The following NOS2 variants were observed in gnomAD, a reference collection of about 807,000 sequenced individuals.
NOS2 encodes nitric oxide synthase 2, also known as nitric oxide synthase, inducible.
In NOS2, 96 loss-of-function variants were observed where a neutral mutation model predicts 136.0. That is an observed-to-expected ratio of 0.71 (90% CI 0.60 to 0.84). NOS2 has a LOEUF of 0.84. NOS2 is among the 40% of genes least tolerant of loss of function. The probability of loss-of-function intolerance (pLI) is 0.00; values close to 1 mark genes in which losing one functional copy is unlikely to be tolerated. For synonymous variants in NOS2, 539 were observed against 587.5 expected (o/e 0.92, Z 1.20); for missense variants, 1,237 against 1,496.9 (o/e 0.83, Z 2.87).
chr17:27,784,779 T>C (rs558206959), intron 5 of NOS2, among the ~76,000 whole-genome samples: 75 of 152,340 alleles, frequency 4.9e-4, no homozygotes, highest in African/African-American at 1.8e-3. Flanking sequence ...AAAAGGCCAC[T>C]GAACCTGCTC....
chr17:27,765,787 G>A, intron 19 of NOS2, 71 bp from the exon 20 acceptor site: 1 of 1,440,696 alleles, frequency 6.9e-7, no homozygotes, highest in Non-Finnish European at 9.4e-7. Context: ...GGGCAGGCGA[G>A]ATTCCCCAGG....
At chr17:27,766,654 A>C (rs1457875219) in intron 18 of NOS2, 66 bp from the exon 19 acceptor site, 1 of 1,286,748 alleles carries the variant, frequency 7.8e-7, no homozygotes, top group Admixed American at 1.7e-5. Flanking sequence ...GGAAGCCCCC[A>C]GATGTCTGAG....
intron 2 of NOS2, among the ~76,000 whole-genome samples, chr17:27,797,753 C>T (rs1025331458): frequency 6.6e-6 from 1 of 152,168 alleles, no homozygotes; most frequent in Non-Finnish European, 1.5e-5. Context: ...CAAGCCTGTC[C>T]CTTGACTTGT....
chr17:27,796,775 A>G (rs1909367507), intron 2 of NOS2, among the ~76,000 whole-genome samples: 1 of 152,156 alleles, frequency 6.6e-6, no homozygotes, highest in African/African-American at 2.4e-5. Context: ...AGCGGCTGCA[A>G]TGATGAGATG....
chr17:27,781,201 GT>G, intron 7 of NOS2, 24 bp from the exon 8 acceptor site: 1 of 1,592,412 alleles, frequency 6.3e-7, no homozygotes. Flanking sequence ...GAACAGTACT[GT>G]TTACCACCTA....
intron 11 of NOS2, among the ~76,000 whole-genome samples, chr17:27,777,367 T>TC (rs1228292531): frequency 1.3e-5 from 2 of 152,186 alleles, no homozygotes; most frequent in Non-Finnish European, 2.9e-5. Context: ...ATCTCAGGCC[T>TC]CCTTCCCACA....
intron 15 of NOS2, among the ~76,000 whole-genome samples, chr17:27,770,340 G>A (rs997837827): frequency 1.3e-5 from 2 of 152,102 alleles, no homozygotes; most frequent in African/African-American, 4.8e-5. Context: ...TACAAAATTG[G>A]CCAGGCATGG....
At chr17:27,773,908 T>C (rs1908578353) in intron 12 of NOS2, among the ~76,000 whole-genome samples, 1 of 152,084 alleles carries the variant, frequency 6.6e-6, no homozygotes, top group South Asian at 2.1e-4. Flanking sequence ...CCCAAGACCC[T>C]ATTGCTAGGA....
At position 27,781,099 on chromosome 17, in the gene NOS2, A is replaced by G. The variant is rs200184224; in HGVS notation, c.801T>C (p.Tyr267=). 3.3e-5 allele frequency: 53 copies of G among 1,613,708 alleles called. No individual in the cohort carries two copies. The highest frequency in any genetic ancestry group is 1.6e-4 in the Middle Eastern group (1 of 6,062). ...TGCCATCTGGCATCTGGTAGCCAGC[A>G]TAGCGGATGAGCTGAGCATTCCACA... ...FRVWNAQLIR[Y]AGYQMPDGSI... Residue 267 remains tyrosine, a synonymous_variant, in exon 8 of 27, where the codon TAT becomes TAC. Coordinates refer to ENST00000313735, the MANE Select transcript of NOS2 (RefSeq NM_000625.4).
chr17:27,770,145 T>C (rs542698054), intron 15 of NOS2, among the ~76,000 whole-genome samples: 4 of 152,362 alleles, frequency 2.6e-5, no homozygotes, highest in South Asian at 4.1e-4. Context: ...TTGGTGCTAA[T>C]AGACCTTTAA....
At chr17:27,766,909 G>A (rs1354494475) in intron 18 of NOS2, among the ~76,000 whole-genome samples, 4 of 147,882 alleles carry the variant, frequency 2.7e-5, no homozygotes, top group East Asian at 2.0e-4. Context: ...CCAGCTACAC[G>A]AGAATCACTT....
intron 14 of NOS2, among the ~76,000 whole-genome samples, chr17:27,771,971 A>G (rs1449464617): frequency 6.6e-6 from 1 of 152,162 alleles, no homozygotes; most frequent in East Asian, 1.9e-4. Flanking sequence ...AAGCTTACTC[A>G]TCTCTTCCCC....
At chr17:27,780,723 G>C in intron 9 of NOS2, 44 bp downstream of exon 9, 1 of 1,613,482 alleles carries the variant, frequency 6.2e-7, no homozygotes, top group Non-Finnish European at 8.5e-7. Flanking sequence ...GAGAAGGGCT[G>C]TGTGTTGACT....
rs1326139358 is a variant in NOS2 at position 27,800,479 on chromosome 17, G to A, written c.-214C>T. Reference sequence around the variant, plus strand: ...CGAGAGATTTTAAAGCAGGAATGAGGCTGAGTTCTCTGCGGCCGGAGCCTC... The same window carrying A: ...CGAGAGATTTTAAAGCAGGAATGAGACTGAGTTCTCTGCGGCCGGAGCCTC... On this transcript the variant is annotated 5_prime_UTR_variant, in exon 1 of 27. Transcript: ENST00000313735. 6.6e-6 allele frequency: 1 copy of A among 152,232 alleles called. No individual in the cohort carries two copies. Among genetic ancestry groups the A allele is most frequent in the Non-Finnish European group, 1.5e-5 (1 of 68,090 alleles). 9.4% of individuals were successfully genotyped at this position (152,232 alleles called of 1,614,324 possible). A position where few individuals can be genotyped will look rare whatever the true frequency, so the allele number is the denominator to read the frequency against.
Position 27,771,017 on chromosome 17 carries a change from C to T in NOS2, c.1705G>A (p.Val569Ile). Reference sequence around the variant, plus strand: ...AGCCTGTACTTATCCATGCAGACAACCTGGATGGCACCCAAGTGGACATCA... The same window carrying T: ...AGCCTGTACTTATCCATGCAGACAATCTGGATGGCACCCAAGTGGACATCA... ...ALFSCAFNPKVVCMDKYRLSC... is the reference protein window; with the variant it reads ...ALFSCAFNPKIVCMDKYRLSC... Residue 569 changes from valine to isoleucine, a missense_variant and splice_region_variant, in exon 15 of 27, where the codon GTT becomes ATT. Around this residue, in one of 3 missense-constraint regions of NOS2, gnomAD observed 782 missense variants for 909.9 expected, o/e 0.86. Transcript: ENST00000313735. The T allele has an allele frequency of 6.2e-7, 1 of 1,611,342 alleles. No homozygotes were observed.
In NOS2 at chr17:27,778,805, G is replaced by C. The variant is rs200855001; in HGVS notation, c.1180-14C>G. The C allele has an allele frequency of 7.9e-5, 128 of 1,613,774 alleles. No individual in the cohort carries two copies. The highest frequency in any genetic ancestry group is 9.7e-5 in the Non-Finnish European group (115 of 1,179,746). On this transcript the variant is annotated splice_polypyrimidine_tract_variant and intron_variant, in intron 10 of 26. Coordinates refer to ENST00000313735, the MANE Select transcript of NOS2 (RefSeq NM_000625.4). Reference sequence around the variant, plus strand: ...CCTGCCCACTTCCTACAGAGGCAGAGTGATAGCGGCGAGTCGGTCCCTGAA... The same window carrying C: ...CCTGCCCACTTCCTACAGAGGCAGACTGATAGCGGCGAGTCGGTCCCTGAA...
intron 11 of NOS2, among the ~76,000 whole-genome samples, chr17:27,776,911 G>T (rs1358948641): frequency 1.3e-5 from 2 of 152,152 alleles, no homozygotes; most frequent in African/African-American, 4.8e-5. Flanking sequence ...CCTGAAGGAG[G>T]GTGGTGAGGA....
rs776261688 is a variant in NOS2 at position 27,778,917 on chromosome 17, C to T, written c.1144G>A (p.Asp382Asn). ...TTGTAGCGCTGGACGTCACAGAAGT[C>T]CCGGACTCCGATCTCTGTGCCCATG... The part of the protein sequence containing the change: ...WYMGTEIGVR[D>N]FCDVQRYNIL... The change falls in exon 10 of 27, where the codon GAC (aspartate) becomes AAC (asparagine). Residue 382 changes from aspartate (D) to asparagine (N), a missense_variant. By Grantham distance (23) the Asp-to-Asn change is conservative (BLOSUM62 1). This residue lies in a region of NOS2 where 440 missense variants were observed against 545.4 expected (regional missense o/e 0.81). Coordinates refer to ENST00000313735, the MANE Select transcript of NOS2 (RefSeq NM_000625.4). The T allele has an allele frequency of 1.9e-6, 3 of 1,609,058 alleles. No homozygotes were observed. The highest frequency in any genetic ancestry group is 2.7e-5 in the African/African-American group (2 of 74,774).
At chr17:27,769,433 G>A (rs1479898752) in intron 16 of NOS2, 102 bp downstream of exon 16, 17 of 1,003,600 alleles carry the variant, frequency 1.7e-5, no homozygotes, top group Middle Eastern at 3.1e-4. Context: ...GTGCCTGCAC[G>A]GTTCTGAGAA....
Sources: gnomAD v4.1 joint callset for allele counts (sites outside exome capture counted in the v4.1 genomes callset) on GRCh38, gnomAD v4.1.1 for gene constraint, gnomAD v4.1.1 regional missense constraint, MANE v1.5 for transcripts, NCBI Gene and HGNC (gene_info 2026-07-23, HGNC 2026-07-21) for gene names.